RASAL2: variants seen among roughly 807,000 people sequenced by gnomAD.
RASAL2 encodes the protein RAS protein activator like 2.
A neutral mutation model predicts 128.9 loss-of-function variants in RASAL2; 58 were observed. That is an observed-to-expected ratio of 0.45 (90% CI 0.36 to 0.56). The LOEUF (loss-of-function observed/expected upper bound fraction) is 0.56. Among genes scored for constraint, RASAL2 ranks in the 20% least tolerant of loss-of-function variants. The pLI is 0.00. For synonymous variants in RASAL2, 561 were observed against 580.8 expected (o/e 0.97, Z 0.49); for missense variants, 1,360 against 1,601.6 (o/e 0.85, Z 2.57).
At chr1:178,374,655 C>T (rs1671894858) in intron 3 of RASAL2, among the ~76,000 whole-genome samples, 2 of 152,140 alleles carry the variant, frequency 1.3e-5, no homozygotes, top group South Asian at 4.1e-4. Flanking sequence ...AAACACCTTA[C>T]TGTGAAACTT....
Position 178,212,861 on chromosome 1 carries a change from A to G in RASAL2, c.203-70703A>G, listed in dbSNP as rs181723911. ...TATTTGAGTCTCATTGGTGCCCACT[A>G]TATTCAATCAATAAAGAATTATATT... On this transcript the variant is annotated intron_variant, in intron 1 of 17. Transcript: ENST00000367649. Among the ~76,000 whole-genome samples the G allele has an allele frequency of 3.3e-5, 5 of 152,322 alleles. No individual in the cohort carries two copies. In the East Asian group the frequency reaches 9.6e-4, roughly 29 times the overall value.
chr1:178,390,111 G>A lies in RASAL2; in HGVS notation c.469G>A (p.Glu157Lys), dbSNP rs762123709. 1.2e-6 allele frequency: 2 copies of A among 1,603,716 alleles called. No individual in the cohort carries two copies. Among genetic ancestry groups the A allele is most frequent in the South Asian group, 2.3e-5 (2 of 88,414 alleles). Residue 157 changes from glutamate to lysine, a missense_variant, in exon 4 of 18, where the codon GAA (glutamate) becomes AAA (lysine). Transcript: ENST00000367649. ...EGATKLEVPA[E>K]RSPRRRSISG... ...CTCCTTTTTTCCAGAGGTACCAGCA[G>A]AAAGGTCCCCTCGTAGACGGAGTAT...
Position 178,138,113 on chromosome 1 carries a change from T to C in RASAL2, c.202+43419T>C, listed in dbSNP as rs150330855. 3.5e-3 allele frequency among the ~76,000 whole-genome samples: 529 copies of C among 152,232 alleles called. 9 individuals carry two copies. The highest frequency in any genetic ancestry group is 0.012 in the African/African-American group (491 of 41,560). ...TATGCAGAAGGAAGAGGAAGAAAAATATTATATTTTTGGAAACTTGAGTTA... is the reference window on the plus strand; with the variant it reads ...TATGCAGAAGGAAGAGGAAGAAAAACATTATATTTTTGGAAACTTGAGTTA... On this transcript the variant is annotated intron_variant, in intron 1 of 17. Coordinates refer to ENST00000367649, the MANE Select transcript of RASAL2 (RefSeq NM_170692.4).
chr1:178,391,973 T>C (rs1672935367), intron 4 of RASAL2, among the ~76,000 whole-genome samples: 2 of 152,210 alleles, frequency 1.3e-5, no homozygotes, highest in South Asian at 4.1e-4. Context: ...CCGAGCTCCA[T>C]TTTCAGACTA....
intron 1 of RASAL2, among the ~76,000 whole-genome samples, chr1:178,165,042 C>T (rs1661473892): frequency 1.3e-5 from 2 of 151,956 alleles, no homozygotes; most frequent in African/African-American, 2.4e-5. Context: ...CTAGAGATGA[C>T]TTAAAGTATA....
At chr1:178,338,336 G>T (rs2102395580) in intron 3 of RASAL2, among the ~76,000 whole-genome samples, 1 of 151,762 alleles carries the variant, frequency 6.6e-6, no homozygotes, top group South Asian at 2.1e-4. Context: ...TACCATGTTG[G>T]TCAGGCTAGT....
intron 1 of RASAL2, among the ~76,000 whole-genome samples, chr1:178,264,615 G>A (rs1242506507): frequency 6.6e-6 from 1 of 152,170 alleles, no homozygotes; most frequent in East Asian, 1.9e-4. Context: ...TGAACAGCCA[G>A]ATGAGGAAGT....
chr1:178,270,231 C>T (rs900902185), intron 1 of RASAL2, among the ~76,000 whole-genome samples: 1 of 151,910 alleles, frequency 6.6e-6, no homozygotes, highest in African/African-American at 2.4e-5. Context: ...TTGCTGGACA[C>T]TCGGGTTTCG....
intron 1 of RASAL2, among the ~76,000 whole-genome samples, chr1:178,116,902 A>C (rs1230724009): frequency 6.6e-6 from 1 of 152,194 alleles, no homozygotes; most frequent in Non-Finnish European, 1.5e-5. Context: ...CACCTGGCCT[A>C]GATTGCTAAT....
chr1:178,460,877 G>A (rs1344410002), intron 14 of RASAL2, among the ~76,000 whole-genome samples: 2 of 151,902 alleles, frequency 1.3e-5, no homozygotes, highest in Non-Finnish European at 2.9e-5. Flanking sequence ...GCAGTGGCAC[G>A]ATCTCGGCTC....
At chr1:178,202,061 A>G (rs1362504710) in intron 1 of RASAL2, among the ~76,000 whole-genome samples, 7 of 152,196 alleles carry the variant, frequency 4.6e-5, no homozygotes, top group African/African-American at 1.7e-4. Context: ...TTCCGGGACC[A>G]TTGGACACTG....
chr1:178,390,339 A>G (rs947764303), intron 4 of RASAL2, 133 bp downstream of exon 4: 12 of 598,994 alleles, frequency 2.0e-5, no homozygotes, highest in Non-Finnish European at 2.5e-5. Context: ...TGATTAAAGG[A>G]TAGACTCATC....
At chr1:178,251,782 A>C (rs1665066165) in intron 1 of RASAL2, among the ~76,000 whole-genome samples, 1 of 152,228 alleles carries the variant, frequency 6.6e-6, no homozygotes, top group South Asian at 2.1e-4. Context: ...TCTAGTAGGG[A>C]AAGTAAAAAC....
intron 1 of RASAL2, among the ~76,000 whole-genome samples, chr1:178,211,184 T>G (rs913603456): frequency 5.9e-5 from 9 of 152,172 alleles, no homozygotes; most frequent in Non-Finnish European, 1.3e-4. Context: ...TTCTCCAGAT[T>G]GTTGACTCAA....
intron 3 of RASAL2, among the ~76,000 whole-genome samples, chr1:178,378,599 A>G (rs2102551147): frequency 6.6e-6 from 1 of 152,294 alleles, no homozygotes; most frequent in Non-Finnish European, 1.5e-5. Context: ...CTCTAATAAC[A>G]GTTGAACTAA....
intron 4 of RASAL2, among the ~76,000 whole-genome samples, chr1:178,405,620 C>CAT (rs1673951000): frequency 6.6e-6 from 1 of 152,194 alleles, no homozygotes; most frequent in Admixed American, 6.5e-5. Context: ...CTTGAAAAGG[C>CAT]ATAAGACAGA....
intron 4 of RASAL2, among the ~76,000 whole-genome samples, chr1:178,402,508 A>G (rs1460770342): frequency 1.3e-5 from 2 of 152,228 alleles, no homozygotes; most frequent in East Asian, 3.8e-4. Context: ...TATTACAAAC[A>G]GTATAGTTAG....
chr1:178,363,385 T>C (rs897243807), intron 3 of RASAL2, among the ~76,000 whole-genome samples: 5 of 152,226 alleles, frequency 3.3e-5, no homozygotes, highest in Non-Finnish European at 7.3e-5. Flanking sequence ...CATCGTTATA[T>C]ATTTTTGATA....
intron 1 of RASAL2, among the ~76,000 whole-genome samples, chr1:178,163,239 TA>T (rs1661397665): frequency 6.6e-6 from 1 of 152,202 alleles, no homozygotes; most frequent in South Asian, 2.1e-4. Context: ...ATGCTGGGAT[TA>T]CAGGCATGAG....
Sources: allele counts gnomAD v4.1 joint callset (sites outside exome capture counted in the v4.1 genomes callset), GRCh38; gene constraint gnomAD v4.1.1; transcripts MANE v1.5; gene names NCBI Gene and HGNC (gene_info 2026-07-23, HGNC 2026-07-21).